Variants in KCNU1 observed in about 807,000 individuals in gnomAD.
KCNU1 encodes potassium channel subfamily U member 1.
In KCNU1, 93 loss-of-function variants were observed where a neutral mutation model predicts 126.8. The ratio of observed to expected loss-of-function variants is 0.73; its 90% CI spans 0.62 to 0.87. The LOEUF (loss-of-function observed/expected upper bound fraction) is 0.87. Ranked by LOEUF, KCNU1 falls within the 40% of genes least tolerant of loss-of-function variation. The probability of loss-of-function intolerance (pLI) is 0.00; values close to 1 mark genes in which losing one functional copy is unlikely to be tolerated. For synonymous variants in KCNU1, 523 were observed against 494.2 expected (o/e 1.06, Z -0.77); for missense variants, 1,330 against 1,367.1 (o/e 0.97, Z 0.43).
chr8:36,869,630 A>G (rs974484902), intron 19 of KCNU1, among the ~76,000 whole-genome samples: 3 of 152,164 alleles, frequency 2.0e-5, no homozygotes, highest in Non-Finnish European at 4.4e-5. Flanking sequence ...CCAGATCGCC[A>G]TCTTCTTAGC....
intron 2 of KCNU1, among the ~76,000 whole-genome samples, chr8:36,788,493 CT>C (rs1304719270): frequency 1.2e-4 from 19 of 152,218 alleles, no homozygotes; most frequent in Admixed American, 1.1e-3. Context: ...ATCAGTTGGT[CT>C]TATGGTGGAA....
At chr8:36,871,390 C>CATATAT (rs35847916) in intron 19 of KCNU1, among the ~76,000 whole-genome samples, 215 of 148,704 alleles carry the variant, frequency 1.4e-3, no homozygotes, top group East Asian at 0.013. Context: ...AGCAAAGTAC[C>CATATAT]ATATATATAT....
intron 20 of KCNU1, 37 bp from the exon 21 acceptor site, chr8:36,909,274 T>C: frequency 7.4e-7 from 1 of 1,344,854 alleles, no homozygotes; most frequent in Non-Finnish European, 1.1e-6. Flanking sequence ...TCATCTTGCT[T>C]ATGAAAATGA....
intron 1 of KCNU1, among the ~76,000 whole-genome samples, chr8:36,785,166 TA>T (rs912988643): frequency 1.9e-4 from 29 of 152,318 alleles, no homozygotes; most frequent in African/African-American, 6.3e-4. Context: ...CAAACAAGCT[TA>T]GCAGGAGTTG....
At chr8:36,865,072 T>C (rs1213741964) in intron 19 of KCNU1, among the ~76,000 whole-genome samples, 2 of 152,156 alleles carry the variant, frequency 1.3e-5, no homozygotes, top group African/African-American at 4.8e-5. Flanking sequence ...TGAAAATGAC[T>C]CTGTAATATC....
At chr8:36,820,764 G>A (rs1804094077) in intron 10 of KCNU1, among the ~76,000 whole-genome samples, 1 of 152,014 alleles carries the variant, frequency 6.6e-6, no homozygotes, top group Admixed American at 6.6e-5. Flanking sequence ...TATAACATTT[G>A]ACTTCAAGGT....
intron 10 of KCNU1, among the ~76,000 whole-genome samples, chr8:36,825,570 G>A (rs1804288360): frequency 6.6e-6 from 1 of 152,118 alleles, no homozygotes; most frequent in South Asian, 2.1e-4. Flanking sequence ...AGTTTAAGGA[G>A]TAAAAGTGCA....
At chr8:36,870,215 C>G (rs1806051885) in intron 19 of KCNU1, among the ~76,000 whole-genome samples, 1 of 152,158 alleles carries the variant, frequency 6.6e-6, no homozygotes, top group Non-Finnish European at 1.5e-5. Flanking sequence ...AAGCTGGAAG[C>G]TTGCTAGTAA....
chr8:36,803,102 T>C (rs1219457002), intron 2 of KCNU1, among the ~76,000 whole-genome samples: 1 of 152,162 alleles, frequency 6.6e-6, no homozygotes, highest in Non-Finnish European at 1.5e-5. Flanking sequence ...CCTCCCCACA[T>C]GGAGCTACAA....
intron 2 of KCNU1, among the ~76,000 whole-genome samples, chr8:36,800,014 C>T (rs1563261946): frequency 6.6e-6 from 1 of 152,242 alleles, no homozygotes; most frequent in Admixed American, 6.5e-5. Flanking sequence ...ACTTTCTTAT[C>T]ATTCCTTCTG....
intron 3 of KCNU1, among the ~76,000 whole-genome samples, chr8:36,804,314 G>C (rs1481899576): frequency 6.6e-6 from 1 of 152,076 alleles, no homozygotes; most frequent in African/African-American, 2.4e-5. Context: ...CACTGCTAGG[G>C]GTCAGGGTGG....
In KCNU1 at chr8:36,909,420, G is replaced by A; in HGVS notation, c.2216G>A (p.Arg739Lys). 6.2e-7 allele frequency: 1 copy of A among 1,613,120 alleles called. No individual in the cohort carries two copies. Residue 739 changes from arginine (R) to lysine (K), a missense_variant, in exon 21 of 27, where the codon AGA becomes AAA. By Grantham distance (26) the Arg-to-Lys change is conservative. Transcript: ENST00000399881. ...CTTCGGAACTTTGTAATGCCCTTGAGAGCCAGCAACTATACCAGGAAGGAG... is the reference window on the plus strand; with the variant it reads ...CTTCGGAACTTTGTAATGCCCTTGAAAGCCAGCAACTATACCAGGAAGGAG... Reference protein sequence around the residue: ...MGLRNFVMPLRASNYTRKELK... With the variant: ...MGLRNFVMPLKASNYTRKELK...
chr8:36,801,253 G>C (rs1410768708), intron 2 of KCNU1, among the ~76,000 whole-genome samples: 2 of 152,186 alleles, frequency 1.3e-5, no homozygotes, highest in African/African-American at 4.8e-5. Flanking sequence ...CAGTTAAGGA[G>C]TTTTGAATTT....
At chr8:36,912,231 A>T (rs1013304428) in intron 22 of KCNU1, among the ~76,000 whole-genome samples, 1 of 152,220 alleles carries the variant, frequency 6.6e-6, no homozygotes, top group Non-Finnish European at 1.5e-5. Flanking sequence ...AATGTTCGTG[A>T]TTGAAACTGG....
intron 19 of KCNU1, among the ~76,000 whole-genome samples, chr8:36,887,025 G>A (rs1410830119): frequency 2.6e-5 from 4 of 151,874 alleles, no homozygotes; most frequent in African/African-American, 9.7e-5. Flanking sequence ...TATATACCAC[G>A]TTTTCTTTAT....
At chr8:36,834,942 G>A in intron 12 of KCNU1, 74 bp downstream of exon 12, 1 of 931,188 alleles carries the variant, frequency 1.1e-6, no homozygotes, top group Non-Finnish European at 1.7e-6. Context: ...CGGTACATAA[G>A]CATAAAAAGG....
chr8:36,799,952 T>C (rs1585387043), intron 2 of KCNU1, among the ~76,000 whole-genome samples: 2 of 152,274 alleles, frequency 1.3e-5, no homozygotes, highest in East Asian at 1.9e-4. Flanking sequence ...AGTACCTCTA[T>C]TGAGACATTA....
At chr8:36,905,257 C>T (rs1292576390) in intron 19 of KCNU1, among the ~76,000 whole-genome samples, 2 of 151,932 alleles carry the variant, frequency 1.3e-5, no homozygotes, top group Admixed American at 1.3e-4. Flanking sequence ...GGGACCCATT[C>T]AGAAAAATAC....
intron 19 of KCNU1, among the ~76,000 whole-genome samples, chr8:36,880,628 G>A (rs1806441095): frequency 4.6e-5 from 7 of 152,048 alleles, no homozygotes. Flanking sequence ...AGATGCTTTA[G>A]GCCAATCCCA....
Sources: gnomAD v4.1 joint callset for allele counts (sites outside exome capture counted in the v4.1 genomes callset) on GRCh38, gnomAD v4.1.1 for gene constraint, MANE v1.5 for transcripts, NCBI Gene and HGNC (gene_info 2026-07-23, HGNC 2026-07-21) for gene names.